The following DISC1 variants were observed in gnomAD, a reference collection of about 807,000 sequenced individuals.
DISC1 encodes disrupted in schizophrenia 1 protein.
Under a neutral mutation model 84.5 loss-of-function variants are expected in DISC1, and 57 were observed. The ratio of observed to expected loss-of-function variants is 0.67; its 90% CI spans 0.55 to 0.84. DISC1 has a LOEUF of 0.84. Ranked by LOEUF, DISC1 falls within the 40% of genes least tolerant of loss-of-function variation. The probability of loss-of-function intolerance (pLI) is 0.00; values close to 1 mark genes in which losing one functional copy is unlikely to be tolerated. For missense variants in DISC1, 1,000 were observed against 1,057.8 expected (o/e 0.95, Z 0.76); for synonymous variants, 411 against 415.2 (o/e 0.99, Z 0.12).
At chr1:231,892,881 G>C (rs752048881) in intron 9 of DISC1, among the ~76,000 whole-genome samples, 13 of 152,138 alleles carry the variant, frequency 8.5e-5, no homozygotes, top group Non-Finnish European at 1.5e-4. Flanking sequence ...AATGTGGCAG[G>C]CCAGGTATAG....
At chr1:231,750,654 C>T in intron 4 of DISC1, 1 of 939,402 alleles carries the variant, frequency 1.1e-6, no homozygotes, top group Non-Finnish European at 1.3e-6. Flanking sequence ...AGGCTCCTCC[C>T]CAGGCAAGCT....
At chr1:231,944,152 T>C (rs1216361114) in intron 9 of DISC1, among the ~76,000 whole-genome samples, 2 of 152,172 alleles carry the variant, frequency 1.3e-5, no homozygotes, top group Non-Finnish European at 2.9e-5. Context: ...AGCCTCCAGC[T>C]CTATTTTTCT....
In DISC1 at chr1:231,774,690, C is replaced by T. The variant is rs181441867; in HGVS notation, c.1634+3620C>T. On this transcript the variant is annotated intron_variant, in intron 6 of 12. Transcript: ENST00000439617. The stretch of plus-strand genomic sequence containing the variant: ...GCCGTAACCATCAACTAGAGAAACC[C>T]GTCATCAATATTTGGGCTTTCCATT... The T allele has an allele frequency of 7.4e-4, 339 of 455,940 alleles. 4 individuals are homozygous for T. The highest frequency in any genetic ancestry group is 6.1e-3 in the African/African-American group (308 of 50,148). 28.2% of individuals were successfully genotyped at this position (455,940 alleles called of 1,614,324 possible).
At position 232,031,509 on chromosome 1, in the gene DISC1, AG is replaced by A. The variant is rs1279534636; in HGVS notation, c.2425+4959del. Among the ~76,000 whole-genome samples, 4 of 150,704 alleles carry A rather than the reference AG, an allele frequency of 2.7e-5. No individual in the cohort carries two copies. The highest frequency in any genetic ancestry group is 5.9e-5 in the Non-Finnish European group (4 of 67,334). On this transcript the variant is annotated intron_variant, in intron 12 of 12. Coordinates refer to ENST00000439617, the MANE Select transcript of DISC1 (RefSeq NM_018662.3). The surrounding 1 kb of genome is among the most constrained non-coding windows in gnomAD (Gnocchi z 4.6). ...GAAGGAAAGAAAGAAAGGAAAGGAA[AG>A]GAAAGAAAGAAAAGGAAAGGAAAGA...
intron 9 of DISC1, among the ~76,000 whole-genome samples, chr1:231,946,832 AT>A (rs1436702113): frequency 6.6e-6 from 1 of 152,226 alleles, no homozygotes; most frequent in Non-Finnish European, 1.5e-5. Context: ...AGAGACCCAA[AT>A]CCTGAATGAA....
chr1:232,026,668 A>G (rs2103043427), intron 12 of DISC1, 116 bp downstream of exon 12: 1 of 730,692 alleles, frequency 1.4e-6, no homozygotes, highest in Non-Finnish European at 2.4e-6. Flanking sequence ...GCCGTTATTT[A>G]TAGCACAGAG....
intron 8 of DISC1, among the ~76,000 whole-genome samples, chr1:231,801,241 A>C (rs2079221533): frequency 6.6e-6 from 1 of 152,114 alleles, no homozygotes; most frequent in South Asian, 2.1e-4. Context: ...ACAGCTTCAC[A>C]TGCCATTTAC....
At chr1:231,766,295 A>AT (rs2076169591) in intron 4 of DISC1, among the ~76,000 whole-genome samples, 1 of 149,576 alleles carries the variant, frequency 6.7e-6, no homozygotes, top group Non-Finnish European at 1.5e-5. Context: ...ATCTAAAAAA[A>AT]AAAAAAAAAA....
At chr1:231,724,287 G>A (rs1223244675) in intron 3 of DISC1, among the ~76,000 whole-genome samples, 3 of 152,148 alleles carry the variant, frequency 2.0e-5, no homozygotes, top group Non-Finnish European at 2.9e-5. Flanking sequence ...ATGAAACAGC[G>A]GGGCTCTAGA....
intron 1 of DISC1, among the ~76,000 whole-genome samples, chr1:231,641,555 G>T (rs2059676483): frequency 6.6e-6 from 1 of 152,228 alleles, no homozygotes. Context: ...AAAGAACAAA[G>T]CTTCCACAAT....
chr1:232,023,505 T>TG (rs1327063794), intron 11 of DISC1, among the ~76,000 whole-genome samples: 4 of 152,184 alleles, frequency 2.6e-5, no homozygotes, highest in African/African-American at 4.8e-5. Flanking sequence ...AGGAAATTAT[T>TG]GGGTCTTAAG....
chr1:232,013,322 C>T (rs948202810), intron 11 of DISC1, among the ~76,000 whole-genome samples: 2 of 152,096 alleles, frequency 1.3e-5, no homozygotes, highest in African/African-American at 4.8e-5. Flanking sequence ...TCATTGCGTG[C>T]AGTATGTGAG....
chr1:231,930,259 T>C (rs1219755226), intron 9 of DISC1, among the ~76,000 whole-genome samples: 1 of 152,156 alleles, frequency 6.6e-6, no homozygotes. Context: ...CAGGGAAGTT[T>C]AGTGGGCTCA....
chr1:231,846,210 TAGGGC>T (rs1196510556), intron 9 of DISC1, among the ~76,000 whole-genome samples: 1 of 152,148 alleles, frequency 6.6e-6, no homozygotes, highest in Non-Finnish European at 1.5e-5. Context: ...AGGTCACTGT[TAGGGC>T]AGAGAGGAGG....
At chr1:231,819,162 T>C (rs1203699649) in intron 9 of DISC1, 2 of 982,302 alleles carry the variant, frequency 2.0e-6, no homozygotes, top group Non-Finnish European at 2.4e-6. Context: ...TAAAAACTTA[T>C]TTCTTAAAAA....
chr1:231,941,288 G>A (rs757639032), intron 9 of DISC1, among the ~76,000 whole-genome samples: 1 of 152,088 alleles, frequency 6.6e-6, no homozygotes, highest in African/African-American at 2.4e-5. Context: ...ATAACACTCA[G>A]CCGGCTCCCA....
At chr1:231,723,127 T>C (rs1330633767) in intron 3 of DISC1, 1 of 958,474 alleles carries the variant, frequency 1.0e-6, no homozygotes, top group African/African-American at 1.8e-5. Flanking sequence ...TCAAGTCTTG[T>C]TTTCAGTGGA....
At chr1:231,852,120 G>A (rs529009153) in intron 9 of DISC1, among the ~76,000 whole-genome samples, 3 of 152,142 alleles carry the variant, frequency 2.0e-5, no homozygotes, top group East Asian at 1.9e-4. Context: ...TAACTTGCTC[G>A]AGATCACACA....
chr1:231,830,125 G>A (rs139597091), intron 9 of DISC1, among the ~76,000 whole-genome samples: 4,027 of 152,146 alleles, frequency 0.026, 167 homozygotes, highest in African/African-American at 0.09. Context: ...AAAATGAAAT[G>A]GTGGTAAAGT....
Sources: allele counts gnomAD v4.1 joint callset (sites outside exome capture counted in the v4.1 genomes callset), GRCh38; gene constraint gnomAD v4.1.1; non-coding constraint Gnocchi (gnomAD v3.1); transcripts MANE v1.5; gene names NCBI Gene and HGNC (gene_info 2026-07-23, HGNC 2026-07-21).